The following GREM2 variants were observed in gnomAD, a reference collection of about 807,000 sequenced individuals.
GREM2 encodes gremlin-2.
In GREM2, 11 loss-of-function variants were observed where a neutral mutation model predicts 14.2. The observed-to-expected ratio is 0.78, with a 90% confidence interval of 0.49 to 1.28. The LOEUF (loss-of-function observed/expected upper bound fraction) is 1.28, where lower values mean the gene tolerates loss of function less well. GREM2 is among the 50% of genes most tolerant of loss of function. The pLI, the probability that GREM2 is intolerant of heterozygous loss-of-function variation, is 0.00. For missense variants in GREM2, 210 were observed against 218.5 expected (o/e 0.96, Z 0.24); for synonymous variants, 98 against 97.6 (o/e 1.00, Z -0.02).
chr1:240,536,831 T>A (rs1456811692), intron 1 of GREM2, among the ~76,000 whole-genome samples: 1 of 152,188 alleles, frequency 6.6e-6, no homozygotes, highest in Non-Finnish European at 1.5e-5. Context: ...GAGGCAAATG[T>A]TGGATCTTGA....
At chr1:240,562,179 T>C (rs1300831949) in intron 1 of GREM2, among the ~76,000 whole-genome samples, 11 of 152,158 alleles carry the variant, frequency 7.2e-5, no homozygotes, top group Non-Finnish European at 1.2e-4. Flanking sequence ...TGACAGTGGT[T>C]ATTTGGAGGG....
intron 1 of GREM2, among the ~76,000 whole-genome samples, chr1:240,608,373 T>C (rs1309444438): frequency 6.6e-6 from 1 of 152,172 alleles, no homozygotes; most frequent in Middle Eastern, 3.2e-3. Context: ...TTTTATTAAC[T>C]CTAAGTACAA....
At chr1:240,556,686 T>G (rs1463808753) in intron 1 of GREM2, among the ~76,000 whole-genome samples, 1 of 151,930 alleles carries the variant, frequency 6.6e-6, no homozygotes, top group African/African-American at 2.4e-5. Context: ...AAAGCATTAT[T>G]CAGAGAATAA....
At chr1:240,580,314 GAA>G (rs1679461268) in intron 1 of GREM2, among the ~76,000 whole-genome samples, 1 of 152,130 alleles carries the variant, frequency 6.6e-6, no homozygotes, top group African/African-American at 2.4e-5. Flanking sequence ...AATGTAACAT[GAA>G]TAACTGTTAG....
intron 1 of GREM2, among the ~76,000 whole-genome samples, chr1:240,547,299 G>C (rs1678749616): frequency 6.6e-6 from 1 of 151,916 alleles, no homozygotes; most frequent in African/African-American, 2.4e-5. Context: ...AGGAGATCAA[G>C]ACCATCCTGG....
intron 1 of GREM2, among the ~76,000 whole-genome samples, chr1:240,536,430 G>C (rs1314346050): frequency 6.6e-6 from 1 of 152,216 alleles, no homozygotes; most frequent in East Asian, 1.9e-4. Flanking sequence ...AATGTGCAGG[G>C]ATGGAAGGGT....
intron 1 of GREM2, among the ~76,000 whole-genome samples, chr1:240,604,289 A>T (rs1327007759): frequency 7.0e-6 from 1 of 143,572 alleles, no homozygotes; most frequent in East Asian, 2.2e-4. Context: ...CAATTAGATC[A>T]GCTTTATATA....
In GREM2 at chr1:240,543,385, G is replaced by GA. The variant is rs1468351915; in HGVS notation, c.-1-49910dup. On this transcript the variant is annotated intron_variant, in intron 1 of 1. Coordinates refer to ENST00000318160, the MANE Select transcript of GREM2 (RefSeq NM_022469.4). The surrounding 1 kb of genome is among the most constrained non-coding windows in gnomAD (Gnocchi z 6.4). ...ACAATCAAGGCAGAAGACAAATGAG[G>GA]AGCAAAATCACGTCTTACATGGTGG... Among the ~76,000 whole-genome samples the GA allele has an allele frequency of 1.3e-5, 2 of 152,178 alleles. No homozygotes were observed. Among genetic ancestry groups the GA allele is most frequent in the East Asian group, 3.8e-4 (2 of 5,200 alleles).
In GREM2 at chr1:240,542,595, C is replaced by G. The variant is rs538415343; in HGVS notation, c.-1-49119G>C. Among the ~76,000 whole-genome samples the G allele has an allele frequency of 6.6e-6, 1 of 151,960 alleles. No individual in the cohort carries two copies. Among genetic ancestry groups the G allele is most frequent in the African/African-American group, 2.4e-5 (1 of 41,474 alleles). On this transcript the variant is annotated intron_variant, in intron 1 of 1. Transcript: ENST00000318160. The surrounding 1 kb of genome is among the most constrained non-coding windows in gnomAD (Gnocchi z 4.1). ...GTGCCCCTGCACTCCAGCCTAGTGACAGAGCGAGACTCCATCTCAAAAATA... is the reference window on the plus strand; with the variant it reads ...GTGCCCCTGCACTCCAGCCTAGTGAGAGAGCGAGACTCCATCTCAAAAATA...
intron 1 of GREM2, among the ~76,000 whole-genome samples, chr1:240,522,139 A>C (rs1678115844): frequency 2.0e-5 from 3 of 150,652 alleles, no homozygotes; most frequent in Non-Finnish European, 4.4e-5. Flanking sequence ...AAAAAAACAA[A>C]AACAAACAAA....
chr1:240,547,532 T>TATAGACAGATAG (rs1553275860), intron 1 of GREM2, among the ~76,000 whole-genome samples: 115 of 121,864 alleles, frequency 9.4e-4, no homozygotes, highest in African/African-American at 4.1e-3. Flanking sequence ...TATATATATA[T>TATAGACAGATAG]ATAGATAGAT....
chr1:240,520,754 G>A (rs1678066503), intron 1 of GREM2, among the ~76,000 whole-genome samples: 1 of 151,982 alleles, frequency 6.6e-6, no homozygotes, highest in African/African-American at 2.4e-5. Context: ...TGTTGCCCAG[G>A]CTGGTCTTGA....
At chr1:240,558,176 A>T (rs9428486) in intron 1 of GREM2, among the ~76,000 whole-genome samples, 4,924 of 152,144 alleles carry the variant, frequency 0.032, 253 homozygotes, top group African/African-American at 0.11. Flanking sequence ...GGGAGTGAGT[A>T]GATAGCATGC....
At chr1:240,527,874 AAAAC>A (rs576324698) in intron 1 of GREM2, among the ~76,000 whole-genome samples, 65 of 152,354 alleles carry the variant, frequency 4.3e-4, no homozygotes, top group Admixed American at 1.5e-3. Flanking sequence ...GTAAAATTAC[AAAAC>A]AAACAAATAA....
rs558524032 is a variant in GREM2, at chr1:240,520,566, CA to C, written c.-1-27091del. On this transcript the variant is annotated intron_variant, in intron 1 of 1. Coordinates refer to ENST00000318160, the MANE Select transcript of GREM2 (RefSeq NM_022469.4). ...AGAAACTTTTTCTTTTTTTTTGAGA[CA>C]GAGTCTTACTCATTGCCCAGGCTGG... Among the ~76,000 whole-genome samples the C allele has an allele frequency of 2.3e-3, 346 of 151,724 alleles. 1 individual carries two copies. Among genetic ancestry groups the C allele is most frequent in the African/African-American group, 7.3e-3 (302 of 41,426 alleles).
At chr1:240,533,763 A>G (rs942975238) in intron 1 of GREM2, among the ~76,000 whole-genome samples, 1 of 152,222 alleles carries the variant, frequency 6.6e-6, no homozygotes, top group Non-Finnish European at 1.5e-5. Flanking sequence ...TTGAGATACC[A>G]TTGGCTGTGC....
intron 1 of GREM2, among the ~76,000 whole-genome samples, chr1:240,586,139 T>C (rs942773810): frequency 1.3e-5 from 2 of 152,098 alleles, no homozygotes; most frequent in African/African-American, 2.4e-5. Flanking sequence ...TTTCTCTGCC[T>C]CAACATAAGA....
rs35623408 is a variant in GREM2, at chr1:240,564,507, CAA to C, written c.-2+47375_-2+47376del. On this transcript the variant is annotated intron_variant, in intron 1 of 1. Coordinates refer to ENST00000318160, the MANE Select transcript of GREM2 (RefSeq NM_022469.4). ...TGGGTGACACAGCAAGACCCTGTCT[CAA>C]AAAAAAAAAAAATTAAAATAAATAA... 4.0e-3 allele frequency among the ~76,000 whole-genome samples: 553 copies of C among 138,116 alleles called. 5 individuals are homozygous for C. The highest frequency in any genetic ancestry group is 0.013 in the African/African-American group (477 of 38,070). 90.6% of individuals were successfully genotyped at this position (138,116 alleles called of 152,430 possible).
intron 1 of GREM2, among the ~76,000 whole-genome samples, chr1:240,521,329 C>A (rs10926291): frequency 6.6e-6 from 1 of 151,868 alleles, no homozygotes; most frequent in South Asian, 2.1e-4. Flanking sequence ...AGCACTTTAG[C>A]AGGCCGAAGT....
Sources: gnomAD v4.1 joint callset for allele counts (sites outside exome capture counted in the v4.1 genomes callset) on GRCh38, gnomAD v4.1.1 for gene constraint, Gnocchi (gnomAD v3.1) non-coding constraint, MANE v1.5 for transcripts, NCBI Gene and HGNC (gene_info 2026-07-23, HGNC 2026-07-21) for gene names.